Variants in PLCL2 observed in about 807,000 individuals in gnomAD.
PLCL2 encodes the protein phospholipase C like 2, also known as inactive phospholipase C-like protein 2.
A neutral mutation model predicts 79.6 loss-of-function variants in PLCL2; 4 were observed. The ratio of observed to expected loss-of-function variants is 0.05; its 90% CI spans 0.02 to 0.11. The LOEUF is 0.11. Among genes scored for constraint, PLCL2 ranks in the 10% least tolerant of loss-of-function variants. The pLI is 1.00. For missense variants in PLCL2, 895 were observed against 1,291.0 expected, an observed-to-expected ratio of 0.69 and a Z score of 4.70; for synonymous variants, 484 against 457.7, an observed-to-expected ratio of 1.06 and a Z score of -0.73.
intron 1 of PLCL2, among the ~76,000 whole-genome samples, chr3:16,939,919 C>T (rs564714345): frequency 6.6e-6 from 1 of 152,122 alleles, no homozygotes; most frequent in Non-Finnish European, 1.5e-5. Flanking sequence ...AGGGAAGACC[C>T]AGGCACATGA....
intron 3 of PLCL2, among the ~76,000 whole-genome samples, chr3:17,023,499 A>G (rs1025551565): frequency 6.6e-6 from 1 of 152,056 alleles, no homozygotes; most frequent in Non-Finnish European, 1.5e-5. Context: ...ATGAAACCTG[A>G]TGGGTTTATC....
intron 4 of PLCL2, among the ~76,000 whole-genome samples, chr3:17,062,973 C>T (rs529559760): frequency 1.2e-4 from 18 of 152,062 alleles, no homozygotes; most frequent in African/African-American, 3.1e-4. Flanking sequence ...TGCCTGGTGG[C>T]TTTCCATAGG....
At chr3:16,975,988 G>A (rs577453479) in intron 1 of PLCL2, among the ~76,000 whole-genome samples, 18 of 152,226 alleles carry the variant, frequency 1.2e-4, no homozygotes, top group East Asian at 7.7e-4. Context: ...CTTAATTCCC[G>A]TTTTAGAAAG....
rs149343751 is a variant in PLCL2 at position 16,934,820 on chromosome 3, A to G, written c.327+49454A>G. 4.8e-3 allele frequency among the ~76,000 whole-genome samples: 733 copies of G among 152,336 alleles called. 4 individuals are homozygous for G. Among genetic ancestry groups the G allele is most frequent in the Middle Eastern group, 0.017 (5 of 294 alleles). On this transcript the variant is annotated intron_variant, in intron 1 of 5. Transcript: ENST00000615277. ...GAGTTAGCAATTTTGAGACGTGGGC[A>G]TGGAGGCAGAGACCCTCAGCCCTCT...
chr3:16,925,202 C>A (rs1302235336), intron 1 of PLCL2, among the ~76,000 whole-genome samples: 1 of 150,028 alleles, frequency 6.7e-6, no homozygotes, highest in Admixed American at 6.6e-5. Context: ...GGATTACAGG[C>A]GTGAGCCACC....
intron 1 of PLCL2, among the ~76,000 whole-genome samples, chr3:16,929,049 AT>A (rs1370574474): frequency 9.2e-6 from 1 of 109,010 alleles, no homozygotes; most frequent in Non-Finnish European, 1.8e-5. Context: ...GAGACTTGGA[AT>A]TTGAGTGCTG....
At chr3:17,013,717 C>T (rs2124892250) in intron 2 of PLCL2, among the ~76,000 whole-genome samples, 1 of 152,344 alleles carries the variant, frequency 6.6e-6, no homozygotes, top group Middle Eastern at 3.4e-3. Context: ...GGTCCACCCC[C>T]TCTGCCCGCA....
chr3:17,090,080 C>A lies in PLCL2; in HGVS notation c.*168C>A, dbSNP rs529151834. 1 of 1,318,728 alleles carries A rather than the reference C, an allele frequency of 7.6e-7. No homozygotes were observed. Among genetic ancestry groups the A allele is most frequent in the Non-Finnish European group, 9.7e-7 (1 of 1,033,390 alleles). 81.7% of individuals were successfully genotyped at this position (1,318,728 alleles called of 1,614,324 possible). ...ACTGTGAATGTATGTAGCAATCCTG[C>A]GTGTGAAGGCAAATAAACTCTTTAA... On this transcript the variant is annotated 3_prime_UTR_variant, in exon 6 of 6. Transcript: ENST00000615277.
At chr3:16,948,219 T>G (rs2063619023) in intron 1 of PLCL2, among the ~76,000 whole-genome samples, 2 of 152,168 alleles carry the variant, frequency 1.3e-5, no homozygotes, top group Admixed American at 1.3e-4. Context: ...TACACAGTGG[T>G]TAAACCTTGA....
At chr3:17,034,795 G>C (rs1205323971) in intron 3 of PLCL2, among the ~76,000 whole-genome samples, 1 of 152,162 alleles carries the variant, frequency 6.6e-6, no homozygotes, top group Admixed American at 6.5e-5. Flanking sequence ...TTCACTGAAA[G>C]TCGCAGTTTC....
chr3:16,952,360 C>CAA (rs35421244), intron 1 of PLCL2, among the ~76,000 whole-genome samples: 895 of 22,596 alleles, frequency 0.04, 203 homozygotes, highest in East Asian at 0.058. Flanking sequence ...GAACTTAAAG[C>CAA]AAAAAAAAAA....
chr3:16,929,094 AAG>A (rs766154152), intron 1 of PLCL2, among the ~76,000 whole-genome samples: 112,793 of 112,794 alleles, frequency 1, 56,396 homozygotes, highest in Non-Finnish European at 1. Context: ...CAGCATAGAG[AAG>A]AGTAATTCTG....
chr3:16,971,612 G>C (rs2124979429), intron 1 of PLCL2, among the ~76,000 whole-genome samples: 1 of 152,224 alleles, frequency 6.6e-6, no homozygotes, highest in East Asian at 1.9e-4. Context: ...TGAAGGGGAT[G>C]GCACTGAATC....
intron 1 of PLCL2, among the ~76,000 whole-genome samples, chr3:16,968,730 C>T (rs1388862577): frequency 6.6e-6 from 1 of 152,078 alleles, no homozygotes; most frequent in Non-Finnish European, 1.5e-5. Context: ...GATAGTTTGA[C>T]TTTCTCCCTT....
chr3:17,003,863 T>G (rs924796881), intron 1 of PLCL2, among the ~76,000 whole-genome samples: 1 of 152,128 alleles, frequency 6.6e-6, no homozygotes, highest in Non-Finnish European at 1.5e-5. Context: ...CTTTTCCCAG[T>G]GGCCCTGTTC....
chr3:16,952,360 CAAAAAAAAAAAA>C lies in PLCL2; in HGVS notation c.328-57294_328-57283del, dbSNP rs35421244. Among the ~76,000 whole-genome samples the C allele has an allele frequency of 6.2e-4, 14 of 22,624 alleles. No individual in the cohort carries two copies. In the East Asian group the frequency reaches 0.016, roughly 25 times the overall value. The allele number at this position is 22,624 out of a possible 152,430, so 14.8% of individuals were successfully genotyped here. ...TGCACATGTATCCCAGAACTTAAAGCAAAAAAAAAAAAAAAAAAAAAAAAAAAAAAAGAACCT... is the reference window on the plus strand; with the variant it reads ...TGCACATGTATCCCAGAACTTAAAGCAAAAAAAAAAAAAAAAAAAGAACCT... On this transcript the variant is annotated intron_variant, in intron 1 of 5. Transcript: ENST00000615277.
intron 1 of PLCL2, among the ~76,000 whole-genome samples, chr3:16,901,433 T>C (rs1420962843): frequency 2.0e-5 from 3 of 152,210 alleles, no homozygotes; most frequent in Admixed American, 2.0e-4. Context: ...CATCCTCGAC[T>C]TGGGCAGTGC....
intron 1 of PLCL2, among the ~76,000 whole-genome samples, chr3:16,929,716 G>A (rs1206666397): frequency 6.6e-6 from 1 of 152,134 alleles, no homozygotes; most frequent in Non-Finnish European, 1.5e-5. Flanking sequence ...TTGGAGGCCT[G>A]GGGAAGTTGA....
intron 5 of PLCL2, among the ~76,000 whole-genome samples, chr3:17,073,947 G>A (rs1006821343): frequency 6.6e-6 from 1 of 152,158 alleles, no homozygotes; most frequent in Non-Finnish European, 1.5e-5. Flanking sequence ...TGAGGGCTGG[G>A]ATCAACTTCC....
Sources: gnomAD v4.1 joint callset for allele counts (sites outside exome capture counted in the v4.1 genomes callset) on GRCh38, gnomAD v4.1.1 for gene constraint, MANE v1.5 for transcripts, NCBI Gene and HGNC (gene_info 2026-07-23, HGNC 2026-07-21) for gene names.